The following CFAP46 variants were observed in gnomAD, a reference collection of about 807,000 sequenced individuals.
The protein encoded by CFAP46 is cilia and flagella associated protein 46, also known as cilia- and flagella-associated protein 46.
In CFAP46, 245 loss-of-function variants were observed where a neutral mutation model predicts 325.7. That is an observed-to-expected ratio of 0.75 (90% CI 0.68 to 0.84). The LOEUF (loss-of-function observed/expected upper bound fraction) is 0.84, where lower values mean the gene tolerates loss of function less well. CFAP46 is among the 40% of genes least tolerant of loss of function. CFAP46 has a pLI of 0.00. For missense variants in CFAP46, 3,346 were observed against 3,543.0 expected (o/e 0.94, Z 1.41); for synonymous variants, 1,523 against 1,495.9 (o/e 1.02, Z -0.42).
chr10:132,820,440 G>GCTGATGTGTGCTGTGTGAGCA (rs1178754452), intron 50 of CFAP46, among the ~76,000 whole-genome samples: 1 of 152,224 alleles, frequency 6.6e-6, no homozygotes, highest in Non-Finnish European at 1.5e-5. Context: ...GGTACACAGC[G>GCTGATGTGTGCTGTGTGAGCA]CTGATGTGTG....
In CFAP46 at chr10:132,886,656, C is replaced by T. The variant is rs1270926882; in HGVS notation, c.3305-697G>A. Among the ~76,000 whole-genome samples, 2 of 152,152 alleles carry T rather than the reference C, an allele frequency of 1.3e-5. No homozygotes were observed. The highest frequency in any genetic ancestry group is 6.5e-5 in the Admixed American group (1 of 15,274). On this transcript the variant is annotated intron_variant, in intron 25 of 57. Coordinates refer to ENST00000368586, the MANE Select transcript of CFAP46 (RefSeq NM_001200049.3). This position sits in a 1 kb window ranked among gnomAD's most constrained non-coding sequence, Gnocchi z 5.8. ...TGAAGAGACGGGGTGAACACAGGGC[C>T]GCATCCCTCACACATCCCCAGTGAG...
At chr10:132,907,411 A>G (rs1330820891) in intron 22 of CFAP46, among the ~76,000 whole-genome samples, 1 of 152,214 alleles carries the variant, frequency 6.6e-6, no homozygotes, top group Non-Finnish European at 1.5e-5. Context: ...CGTGAAAATT[A>G]AAGAATGAGA....
At chr10:132,940,296 T>A (rs902708206) in intron 4 of CFAP46, among the ~76,000 whole-genome samples, 1 of 152,112 alleles carries the variant, frequency 6.6e-6, no homozygotes, top group Non-Finnish European at 1.5e-5. Context: ...ATATGTGATA[T>A]ATGTTCAAGC....
At chr10:132,821,219 CTGTGTGT>C (rs1279479558) in intron 50 of CFAP46, among the ~76,000 whole-genome samples, 36 of 107,448 alleles carry the variant, frequency 3.4e-4, no homozygotes, top group African/African-American at 1.4e-3. Context: ...GTGCTGTGTG[CTGTGTGT>C]GTGCTGATGT....
intron 55 of CFAP46, 130 bp downstream of exon 55, chr10:132,812,654 TG>T: frequency 6.0e-6 from 3 of 498,562 alleles, no homozygotes; most frequent in African/African-American, 5.1e-5. Context: ...TCACAGAGGG[TG>T]GGGGGCAGGA....
intron 31 of CFAP46, among the ~76,000 whole-genome samples, chr10:132,874,023 G>T (rs1206947478): frequency 6.6e-6 from 1 of 152,112 alleles, no homozygotes; most frequent in African/African-American, 2.4e-5. Context: ...GAAGCTCTGG[G>T]CTCAGATGGC....
chr10:132,877,709 T>G lies in CFAP46; in HGVS notation c.4212+172A>C. On this transcript the variant is annotated intron_variant, in intron 30 of 57. Coordinates refer to ENST00000368586, the MANE Select transcript of CFAP46 (RefSeq NM_001200049.3). This position sits in a 1 kb window ranked among gnomAD's most constrained non-coding sequence, Gnocchi z 5.7. ...GCCCAGCCTCTGCACTGAGGCCACC[T>G]GGGGCTCCTCCGAGAACCCTGACAG... 6.6e-6 allele frequency among the ~76,000 whole-genome samples: 1 copy of G among 151,166 alleles called. No individual in the cohort carries two copies. Among genetic ancestry groups the G allele is most frequent in the Non-Finnish European group, 1.5e-5 (1 of 67,630 alleles).
Position 132,847,412 on chromosome 10 carries a change from G to A in CFAP46, c.5953-91C>T. 3 of 1,521,040 alleles carry A rather than the reference G, an allele frequency of 2.0e-6. No homozygotes were observed. In the South Asian group the frequency reaches 3.6e-5, roughly 18 times the overall value. 94.2% of individuals were successfully genotyped at this position (1,521,040 alleles called of 1,614,324 possible). Reference sequence around the variant, plus strand: ...CACCCAGGGAGGCCGGGGTGGTCGGGCTCCTCAGCAGGGTCCCCGGGTAGG... The same window carrying A: ...CACCCAGGGAGGCCGGGGTGGTCGGACTCCTCAGCAGGGTCCCCGGGTAGG... On this transcript the variant is annotated intron_variant, in intron 41 of 57. Transcript: ENST00000368586. This position sits in a 1 kb window ranked among gnomAD's most constrained non-coding sequence, Gnocchi z 5.2.
chr10:132,877,983 A>C lies in CFAP46; in HGVS notation c.4110T>G (p.Ser1370Arg), dbSNP rs1848981326. 1.9e-6 allele frequency: 3 copies of C among 1,542,638 alleles called. No homozygotes were observed. Among genetic ancestry groups the C allele is most frequent in the African/African-American group, 2.9e-5 (2 of 69,920 alleles). The change falls in exon 30 of 58, where the codon AGT (serine) becomes AGG (arginine). Residue 1370 changes from serine to arginine, a missense_variant. Ser to Arg is a moderately radical substitution (Grantham distance 110). Transcript: ENST00000368586. The surrounding 1 kb of genome is among the most constrained non-coding windows in gnomAD (Gnocchi z 5.7). Reference protein sequence around the residue: ...LPKKEKENERSKEKEKERSKE... With the variant: ...LPKKEKENERRKEKEKERSKE... ...TACTCCTCTCCTTCTCCTTCTCTTTACTCCTCTCATTCTCCTTCTCTTTTT... is the reference window on the plus strand; with the variant it reads ...TACTCCTCTCCTTCTCCTTCTCTTTCCTCCTCTCATTCTCCTTCTCTTTTT...
chr10:132,829,713 T>A (rs1272582215), intron 50 of CFAP46, among the ~76,000 whole-genome samples: 1 of 152,260 alleles, frequency 6.6e-6, no homozygotes, highest in Non-Finnish European at 1.5e-5. Flanking sequence ...CCTCATTTTC[T>A]GAGAGTTTGT....
intron 41 of CFAP46, 105 bp downstream of exon 41, chr10:132,850,139 G>C: frequency 8.7e-7 from 1 of 1,144,598 alleles, no homozygotes; most frequent in South Asian, 1.5e-5. Flanking sequence ...TCTCTTCCTG[G>C]GGCCACTGCT....
At position 132,886,188 on chromosome 10, in the gene CFAP46, G is replaced by A. The variant is rs996186243; in HGVS notation, c.3305-229C>T. On this transcript the variant is annotated intron_variant, in intron 25 of 57. Transcript: ENST00000368586. This position sits in a 1 kb window ranked among gnomAD's most constrained non-coding sequence, Gnocchi z 5.8. ...GATGCCCTTTCCGTTGCAGGAAGCA[G>A]CTGTCTTGTCTCCTTGCTGCCTGTC... 6.6e-6 allele frequency among the ~76,000 whole-genome samples: 1 copy of A among 152,206 alleles called. No homozygotes were observed. The highest frequency in any genetic ancestry group is 1.5e-5 in the Non-Finnish European group (1 of 68,032).
chr10:132,886,097 T>C lies in CFAP46; in HGVS notation c.3305-138A>G, dbSNP rs2135400208. 1 of 1,213,060 alleles carries C rather than the reference T, an allele frequency of 8.2e-7. No homozygotes were observed. Among genetic ancestry groups the C allele is most frequent in the South Asian group, 1.5e-5 (1 of 67,220 alleles). 75.1% of individuals were successfully genotyped at this position (1,213,060 alleles called of 1,614,324 possible). A position where few individuals can be genotyped will look rare whatever the true frequency, so the allele number is the denominator to read the frequency against. Reference sequence around the variant, plus strand: ...CTACAGAGGTGCCCAGGCCAGCGCATGCCCCGCAGGGCTGAAGTGAGCTGT... The same window carrying C: ...CTACAGAGGTGCCCAGGCCAGCGCACGCCCCGCAGGGCTGAAGTGAGCTGT... On this transcript the variant is annotated intron_variant, in intron 25 of 57. Coordinates refer to ENST00000368586, the MANE Select transcript of CFAP46 (RefSeq NM_001200049.3). The surrounding 1 kb of genome is among the most constrained non-coding windows in gnomAD (Gnocchi z 5.8).
chr10:132,850,908 T>C (rs1206241521), intron 40 of CFAP46, among the ~76,000 whole-genome samples: 2 of 152,224 alleles, frequency 1.3e-5, no homozygotes, highest in Non-Finnish European at 2.9e-5. Context: ...GAAACACCCC[T>C]GCAATGGGAC....
At position 132,833,495 on chromosome 10, in the gene CFAP46, A is replaced by G. The variant is rs1848185608; in HGVS notation, c.6980T>C (p.Ile2327Thr). 6.2e-7 allele frequency: 1 copy of G among 1,614,046 alleles called. No individual in the cohort carries two copies. Residue 2327 changes from isoleucine to threonine, a missense_variant, in exon 50 of 58, where the codon ATA becomes ACA. Coordinates refer to ENST00000368586, the MANE Select transcript of CFAP46 (RefSeq NM_001200049.3). ...STVQPEVADK[I>T]VLVADRHLLE... ...GAGATGTCTGTCTGCGACCAGGACT[A>G]TCTTATCGGCAACCTCAGGCTGGAC...
intron 13 of CFAP46, among the ~76,000 whole-genome samples, chr10:132,921,652 C>A (rs937113565): frequency 1.3e-5 from 2 of 152,172 alleles, no homozygotes; most frequent in Non-Finnish European, 2.9e-5. Flanking sequence ...CAAATGAGGT[C>A]ATCAGGGTGG....
chr10:132,860,401 T>C lies in CFAP46; in HGVS notation c.5198+16A>G, dbSNP rs753315024. 3.7e-5 allele frequency: 57 copies of C among 1,532,188 alleles called. No individual in the cohort carries two copies. The highest frequency in any genetic ancestry group is 4.7e-5 in the Non-Finnish European group (53 of 1,129,982). 94.9% of individuals were successfully genotyped at this position (1,532,188 alleles called of 1,614,324 possible). On this transcript the variant is annotated intron_variant, in intron 37 of 57. Transcript: ENST00000368586. ...AGCTTTCACGCTAATGAACAGTGTTTCTTACAAAGAGTTACCTGGCTTCTA... is the reference window on the plus strand; with the variant it reads ...AGCTTTCACGCTAATGAACAGTGTTCCTTACAAAGAGTTACCTGGCTTCTA...
intron 17 of CFAP46, 115 bp from the exon 18 acceptor site, chr10:132,913,373 G>A (rs2135555494): frequency 1.7e-6 from 1 of 585,712 alleles, no homozygotes; most frequent in Non-Finnish European, 2.9e-6. Flanking sequence ...AGTGGGAGGG[G>A]CGGGTGGGCG....
chr10:132,853,595 AT>A (rs1848594652), intron 39 of CFAP46, among the ~76,000 whole-genome samples: 1 of 144,068 alleles, frequency 6.9e-6, no homozygotes, highest in Non-Finnish European at 1.5e-5. Context: ...AACTCGTATT[AT>A]TTTTTCTTAA....
Sources: allele counts gnomAD v4.1 joint callset (sites outside exome capture counted in the v4.1 genomes callset), GRCh38; gene constraint gnomAD v4.1.1; non-coding constraint Gnocchi (gnomAD v3.1); transcripts MANE v1.5; gene names NCBI Gene and HGNC (gene_info 2026-07-23, HGNC 2026-07-21).